Variants in MAOB observed in about 807,000 individuals in gnomAD.
The protein encoded by MAOB is monoamine oxidase B.
In MAOB, 15 loss-of-function variants were observed where a neutral mutation model predicts 41.9. The ratio of observed to expected loss-of-function variants is 0.36; its 90% CI spans 0.24 to 0.55. The LOEUF (loss-of-function observed/expected upper bound fraction) is 0.55. Among genes scored for constraint, MAOB ranks in the 20% least tolerant of loss-of-function variants. The probability of loss-of-function intolerance (pLI) is 0.86; values close to 1 mark genes in which losing one functional copy is unlikely to be tolerated. For synonymous variants in MAOB, 167 were observed against 144.2 expected (o/e 1.16, Z -1.13); for missense variants, 345 against 398.7 (o/e 0.87, Z 1.15).
At chrX:43,870,491 C>T (rs2035395574) in intron 1 of MAOB, among the ~76,000 whole-genome samples, 1 of 111,472 alleles carries the variant, frequency 9.0e-6, no homozygotes, top group Non-Finnish European at 1.9e-5. Flanking sequence ...CGGCCTCTTG[C>T]ATCCTTGGTG....
chrX:43,790,897 C>T (rs2034455352), intron 8 of MAOB, among the ~76,000 whole-genome samples: 1 of 111,870 alleles, frequency 8.9e-6, no homozygotes, highest in African/African-American at 3.3e-5. Flanking sequence ...GATTTGCAGG[C>T]ATGAATGGAA....
At position 43,863,520 on chromosome X, in the gene MAOB, A is replaced by C. The variant is rs913449795; in HGVS notation, c.46+18734T>G. 8.9e-5 allele frequency among the ~76,000 whole-genome samples: 10 copies of C among 111,918 alleles called. No individual in the cohort carries two copies. In the East Asian group the frequency reaches 2.8e-3, roughly 31 times the overall value. On this transcript the variant is annotated intron_variant, in intron 1 of 14. Coordinates refer to ENST00000378069, the MANE Select transcript of MAOB (RefSeq NM_000898.5). ...GAAAAAATATATACCCAAAGTTAAGAGTGGTTGTCTTTAAATGGTAGGTCT... is the reference window on the plus strand; with the variant it reads ...GAAAAAATATATACCCAAAGTTAAGCGTGGTTGTCTTTAAATGGTAGGTCT...
At chrX:43,813,617 A>T (rs1387349455) in intron 3 of MAOB, among the ~76,000 whole-genome samples, 1 of 112,207 alleles carries the variant, frequency 8.9e-6, no homozygotes, top group Non-Finnish European at 1.9e-5. Context: ...GACGGACTCA[A>T]TGACCAGCCA....
chrX:43,843,389 ACACAC>A (rs1173798960), intron 2 of MAOB, among the ~76,000 whole-genome samples: 6 of 107,603 alleles, frequency 5.6e-5, no homozygotes, highest in Non-Finnish European at 1.2e-4. Flanking sequence ...ACACACACAC[ACACAC>A]ACACACACAC....
At chrX:43,836,305 G>A (rs762964771) in intron 3 of MAOB, among the ~76,000 whole-genome samples, 1 of 111,978 alleles carries the variant, frequency 8.9e-6, no homozygotes, top group Non-Finnish European at 1.9e-5. Context: ...GAAAAATGAC[G>A]TATACAAAGA....
chrX:43,803,263 A>G, intron 4 of MAOB, 37 bp downstream of exon 4: 2 of 1,087,326 alleles, frequency 1.8e-6, no homozygotes, highest in Non-Finnish European at 2.4e-6. Context: ...GAAACTTATT[A>G]CAAAAAAGAA....
chrX:43,871,520 C>T (rs1221862902), intron 1 of MAOB, among the ~76,000 whole-genome samples: 1 of 104,354 alleles, frequency 9.6e-6, no homozygotes, highest in Admixed American at 1.0e-4. Context: ...ATAAGCATGT[C>T]TTTCTCAGCA....
chrX:43,788,074 C>A (rs998828807), intron 8 of MAOB, among the ~76,000 whole-genome samples: 1 of 111,141 alleles, frequency 9.0e-6, no homozygotes, highest in Non-Finnish European at 1.9e-5. Context: ...AAACATGGTG[C>A]CAGCATCTGC....
rs750149196 is a variant in MAOB, at chrX:43,803,448, T to A, written c.280-44A>T. 6.1e-6 allele frequency: 7 copies of A among 1,144,917 alleles called. No individual in the cohort carries two copies. In the Admixed American group the frequency reaches 2.0e-4, roughly 33 times the overall value. 94.4% of individuals were successfully genotyped at this position (1,144,917 alleles called of 1,213,427 possible). On this transcript the variant is annotated intron_variant, in intron 3 of 14. Coordinates refer to ENST00000378069, the MANE Select transcript of MAOB (RefSeq NM_000898.5). ...TTTTAAAAGGAAATATTTACTACAA[T>A]GTAAAAGTAGGTAATCTGCCAAATT...
intron 3 of MAOB, among the ~76,000 whole-genome samples, chrX:43,807,885 A>T (rs2034689093): frequency 8.9e-6 from 1 of 111,735 alleles, no homozygotes; most frequent in Non-Finnish European, 1.9e-5. Flanking sequence ...TATTTGACAC[A>T]CAATGCCCCG....
chrX:43,837,823 C>A (rs1394856302), intron 3 of MAOB: 2 of 326,459 alleles, frequency 6.1e-6, no homozygotes, highest in Non-Finnish European at 1.2e-5. Context: ...AAATTGAAAA[C>A]CTCCGCCAGT....
chrX:43,771,763 G>A lies in MAOB; in HGVS notation c.1236-2345C>T, dbSNP rs1163869469. Reference sequence around the variant, plus strand: ...AATCATACTATAAATCAGAATATGTGAAAACCAAGAATTAATTTTAAACAA... The same window carrying A: ...AATCATACTATAAATCAGAATATGTAAAAACCAAGAATTAATTTTAAACAA... On this transcript the variant is annotated intron_variant, in intron 12 of 14. Coordinates refer to ENST00000378069, the MANE Select transcript of MAOB (RefSeq NM_000898.5). Among the ~76,000 whole-genome samples, 4 of 111,130 alleles carry A rather than the reference G, an allele frequency of 3.6e-5. No homozygotes were observed. In the Admixed American group the frequency reaches 3.8e-4, roughly 11 times the overall value.
intron 11 of MAOB, among the ~76,000 whole-genome samples, chrX:43,777,025 T>C (rs954451245): frequency 2.7e-5 from 3 of 110,703 alleles, no homozygotes; most frequent in Non-Finnish European, 5.7e-5. Context: ...GACATTTGGG[T>C]TGGTTTCAAG....
intron 3 of MAOB, among the ~76,000 whole-genome samples, chrX:43,830,202 G>A (rs904598423): frequency 4.5e-5 from 5 of 111,563 alleles, no homozygotes; most frequent in African/African-American, 1.6e-4. Context: ...TAGATTTCAC[G>A]CATATATCAA....
chrX:43,877,138 TTAAC>T (rs1426703232), intron 1 of MAOB, among the ~76,000 whole-genome samples: 2 of 112,421 alleles, frequency 1.8e-5, no homozygotes, highest in Admixed American at 1.9e-4. Flanking sequence ...CATGGGAAGG[TTAAC>T]TAACTATTTT....
intron 11 of MAOB, among the ~76,000 whole-genome samples, chrX:43,775,800 T>C (rs1034163708): frequency 1.2e-4 from 13 of 111,895 alleles, no homozygotes; most frequent in Admixed American, 1.1e-3. Context: ...GTCTGAAAAA[T>C]ATGTTTTTGA....
At chrX:43,871,875 T>C (rs1307995442) in intron 1 of MAOB, among the ~76,000 whole-genome samples, 1 of 110,729 alleles carries the variant, frequency 9.0e-6, no homozygotes, top group East Asian at 2.9e-4. Context: ...CAGTCGACTA[T>C]ATCTTATGGG....
At chrX:43,832,819 A>G (rs1267762710) in intron 3 of MAOB, among the ~76,000 whole-genome samples, 1 of 111,608 alleles carries the variant, frequency 9.0e-6, no homozygotes, top group Non-Finnish European at 1.9e-5. Flanking sequence ...TACAAGTAAC[A>G]GAAAACTGTT....
chrX:43,843,357 TCACACACACACA>T lies in MAOB; in HGVS notation c.141+301_141+312del, dbSNP rs61018201. ...TTTTCTTCCTATTTCTCTCTCTGTC[TCACACACACACA>T]CACACACACACACACACACACACAC... On this transcript the variant is annotated intron_variant, in intron 2 of 14. Coordinates refer to ENST00000378069, the MANE Select transcript of MAOB (RefSeq NM_000898.5). Among the ~76,000 whole-genome samples the T allele has an allele frequency of 4.6e-3, 384 of 83,720 alleles. 4 individuals are homozygous for T. The highest frequency in any genetic ancestry group is 0.014 in the African/African-American group (314 of 22,932). 72.7% of individuals were successfully genotyped at this position (83,720 alleles called of 115,157 possible).
Sources: gnomAD v4.1 joint callset for allele counts (sites outside exome capture counted in the v4.1 genomes callset) on GRCh38, gnomAD v4.1.1 for gene constraint, MANE v1.5 for transcripts, NCBI Gene and HGNC (gene_info 2026-07-23, HGNC 2026-07-21) for gene names.